SOX5: variants seen among roughly 807,000 people sequenced by gnomAD.
SOX5 encodes SRY-box transcription factor 5.
SOX5 carries 9 observed loss-of-function variants against 92.0 expected under a neutral mutation model. That is an observed-to-expected ratio of 0.10 (90% CI 0.06 to 0.17). The LOEUF (loss-of-function observed/expected upper bound fraction) is 0.17, where lower values mean the gene tolerates loss of function less well. Among genes scored for constraint, SOX5 ranks in the 10% least tolerant of loss-of-function variants. SOX5 has a pLI of 1.00. For synonymous variants in SOX5, 344 were observed against 336.3 expected (o/e 1.02, Z -0.25); for missense variants, 642 against 944.5 (o/e 0.68, Z 4.20).
intron 4 of SOX5, among the ~76,000 whole-genome samples, chr12:24,145,270 G>A (rs139398751): frequency 3.9e-5 from 6 of 152,160 alleles, no homozygotes; most frequent in African/African-American, 1.2e-4. Flanking sequence ...TAAGAGGCAA[G>A]TAATAAGCAA....
intron 1 of SOX5, among the ~76,000 whole-genome samples, chr12:24,531,728 C>G (rs1247320832): frequency 6.6e-6 from 1 of 152,190 alleles, no homozygotes; most frequent in African/African-American, 2.4e-5. Flanking sequence ...CCCTCCTCTG[C>G]TACCCCCACC....
At chr12:24,392,394 G>C (rs539827423) in intron 1 of SOX5, among the ~76,000 whole-genome samples, 1 of 152,210 alleles carries the variant, frequency 6.6e-6, no homozygotes, top group South Asian at 2.1e-4. Flanking sequence ...GCCCCCACCA[G>C]CAGCAGCTCT....
chr12:24,151,569 T>G (rs1370058693), intron 4 of SOX5, among the ~76,000 whole-genome samples: 1 of 151,334 alleles, frequency 6.6e-6, no homozygotes, highest in Non-Finnish European at 1.5e-5. Flanking sequence ...ATGTGTGAGG[T>G]TTTTTTTTGT....
chr12:23,724,616 C>T (rs989157846), intron 6 of SOX5, among the ~76,000 whole-genome samples: 1 of 152,006 alleles, frequency 6.6e-6, no homozygotes, highest in African/African-American at 2.4e-5. Context: ...GATTTATGTA[C>T]CTTAAACTGT....
Position 24,188,144 on chromosome 12 carries a change from C to T in SOX5, c.-2+25199G>A, listed in dbSNP as rs574133029. 3.9e-5 allele frequency among the ~76,000 whole-genome samples: 6 copies of T among 152,252 alleles called. No homozygotes were observed. The East Asian group carries it at 1.2e-3, about 29-fold the overall frequency. ...GGGAGTGAACAAAGTCTGAATGCTT[C>T]TCTTTTCAAGTAATTTGAATGCTTC... On this transcript the variant is annotated intron_variant, in intron 4 of 4. Coordinates refer to the SOX5 transcript ENST00000446891.
chr12:24,209,358 T>C (rs1048756255), intron 4 of SOX5, among the ~76,000 whole-genome samples: 3 of 152,208 alleles, frequency 2.0e-5, no homozygotes, highest in Non-Finnish European at 4.4e-5. Context: ...CAAAGAATAA[T>C]TTCCTTATTT....
At chr12:24,550,563 C>A (rs138480100) in intron 1 of SOX5, among the ~76,000 whole-genome samples, 1 of 152,322 alleles carries the variant, frequency 6.6e-6, no homozygotes, top group Non-Finnish European at 1.5e-5. Flanking sequence ...TACTAACCTC[C>A]ATGGCTAAAT....
At chr12:23,855,650 T>C (rs1050330066) in intron 2 of SOX5, among the ~76,000 whole-genome samples, 2 of 152,052 alleles carry the variant, frequency 1.3e-5, no homozygotes, top group African/African-American at 4.8e-5. Flanking sequence ...CCTTATTTTC[T>C]TACAGGAAAA....
Position 24,337,651 on chromosome 12 carries a change from A to AT in SOX5, c.-174+30911dup, listed in dbSNP as rs543547279. ...CACCACACACTCGGCCTGAATCTGAATTTTTTTGCCTCTTTTAAGTTCGGT... is the reference window on the plus strand; with the variant it reads ...CACCACACACTCGGCCTGAATCTGAATTTTTTTTGCCTCTTTTAAGTTCGGT... On this transcript the variant is annotated intron_variant, in intron 2 of 4. Coordinates refer to the SOX5 transcript ENST00000446891. Among the ~76,000 whole-genome samples the AT allele has an allele frequency of 1.1e-3, 169 of 152,096 alleles. 1 individual carries two copies. The highest frequency in any genetic ancestry group is 4.0e-3 in the African/African-American group (165 of 41,490).
intron 4 of SOX5, among the ~76,000 whole-genome samples, chr12:24,185,450 C>T (rs191107327): frequency 3.3e-5 from 5 of 152,246 alleles, no homozygotes; most frequent in African/African-American, 1.2e-4. Context: ...TTACCACATT[C>T]TAATTTTATG....
At chr12:23,639,503 A>T (rs2079751189) in intron 8 of SOX5, among the ~76,000 whole-genome samples, 3 of 152,054 alleles carry the variant, frequency 2.0e-5, no homozygotes, top group Middle Eastern at 3.4e-3. Flanking sequence ...TAATTCCACT[A>T]CTCTTTTTAG....
At chr12:23,718,218 T>C (rs2092619575) in intron 6 of SOX5, among the ~76,000 whole-genome samples, 1 of 152,200 alleles carries the variant, frequency 6.6e-6, no homozygotes, top group African/African-American at 2.4e-5. Context: ...AGACACCAGT[T>C]AGATGAAATG....
chr12:23,627,027 T>A (rs1378860872), intron 8 of SOX5, among the ~76,000 whole-genome samples: 2 of 152,194 alleles, frequency 1.3e-5, no homozygotes, highest in African/African-American at 4.8e-5. Flanking sequence ...TCATCATAGG[T>A]AGGCCAGCTA....
chr12:24,387,524 G>A (rs893299863), intron 1 of SOX5, among the ~76,000 whole-genome samples: 1 of 152,160 alleles, frequency 6.6e-6, no homozygotes, highest in Non-Finnish European at 1.5e-5. Context: ...AGACTCAGAT[G>A]TGCATTCCCT....
chr12:23,978,929 A>T (rs1270942042), intron 4 of SOX5, among the ~76,000 whole-genome samples: 1 of 152,186 alleles, frequency 6.6e-6, no homozygotes, highest in African/African-American at 2.4e-5. Context: ...TTATGTCTTT[A>T]GATACATTTT....
At chr12:24,422,553 T>G (rs1423172458) in intron 1 of SOX5, among the ~76,000 whole-genome samples, 1 of 152,208 alleles carries the variant, frequency 6.6e-6, no homozygotes, top group African/African-American at 2.4e-5. Context: ...GATGAAATTT[T>G]AGGGTTGTCT....
intron 1 of SOX5, among the ~76,000 whole-genome samples, chr12:24,502,084 TA>T (rs572843843): frequency 1.3e-3 from 203 of 152,312 alleles, no homozygotes; most frequent in African/African-American, 4.7e-3. Context: ...TACAAACCTC[TA>T]AACACGCCAA....
chr12:24,235,144 C>T (rs953748060), intron 3 of SOX5, among the ~76,000 whole-genome samples: 8 of 152,128 alleles, frequency 5.3e-5, no homozygotes, highest in South Asian at 2.1e-4. Flanking sequence ...TTCATCTTTC[C>T]GATTTGCTAC....
In SOX5 at chr12:24,318,266, T is replaced by G. The variant is rs538010112; in HGVS notation, c.-173-40954A>C. Among the ~76,000 whole-genome samples the G allele has an allele frequency of 3.8e-4, 58 of 152,300 alleles. 1 individual carries two copies. The East Asian group carries it at 5.2e-3, about 14-fold the overall frequency. On this transcript the variant is annotated intron_variant, in intron 2 of 4. Coordinates refer to the SOX5 transcript ENST00000446891. ...TTTCACAGCCTTCTCTTGAGCTAGATGCACCCATGCAGTCAAGTTTCAAGG... is the reference window on the plus strand; with the variant it reads ...TTTCACAGCCTTCTCTTGAGCTAGAGGCACCCATGCAGTCAAGTTTCAAGG...
Sources: allele counts gnomAD v4.1 joint callset (sites outside exome capture counted in the v4.1 genomes callset), GRCh38; gene constraint gnomAD v4.1.1; transcripts MANE v1.5; gene names NCBI Gene and HGNC (gene_info 2026-07-23, HGNC 2026-07-21).